The following STAM2 variants were observed in gnomAD, a reference collection of about 807,000 sequenced individuals.
The protein encoded by STAM2 is signal transducing adapter molecule 2.
A neutral mutation model predicts 65.6 loss-of-function variants in STAM2; 51 were observed. That is an observed-to-expected ratio of 0.78 (90% CI 0.62 to 0.98). The LOEUF is 0.98. Ranked by LOEUF, STAM2 falls within the 50% of genes least tolerant of loss-of-function variation. STAM2 has a pLI of 0.00. For synonymous variants in STAM2, 198 were observed against 208.4 expected, an observed-to-expected ratio of 0.95 and a Z score of 0.43; for missense variants, 584 against 617.8, an observed-to-expected ratio of 0.95 and a Z score of 0.58.
At chr2:152,141,810 C>T (rs891869931) in intron 7 of STAM2, among the ~76,000 whole-genome samples, 8 of 151,682 alleles carry the variant, frequency 5.3e-5, no homozygotes, top group Non-Finnish European at 7.4e-5. Flanking sequence ...AGGGTGGTCT[C>T]GAACTCCTGA....
intron 1 of STAM2, among the ~76,000 whole-genome samples, chr2:152,166,900 C>T (rs1248002575): frequency 2.6e-5 from 4 of 152,178 alleles, no homozygotes; most frequent in Admixed American, 6.5e-5. Context: ...CACTACAATT[C>T]TCATATTGCA....
chr2:152,120,200 ACT>A lies in STAM2; in HGVS notation c.*372_*373del. The A allele has an allele frequency of 1.8e-5, 3 of 167,300 alleles. No individual in the cohort carries two copies. Among genetic ancestry groups the A allele is most frequent in the East Asian group, 3.5e-4 (2 of 5,654 alleles). 10.4% of individuals were successfully genotyped at this position (167,300 alleles called of 1,614,324 possible). A position where few individuals can be genotyped will look rare whatever the true frequency, so the allele number is the denominator to read the frequency against. Reference sequence around the variant, plus strand: ...AGTATGAGATACTTTTGACAAACTCACTCTGTCGATCATGCTACTGCACTCCA... The same window carrying A: ...AGTATGAGATACTTTTGACAAACTCACTGTCGATCATGCTACTGCACTCCA... On this transcript the variant is annotated 3_prime_UTR_variant, in exon 14 of 14. Coordinates refer to ENST00000263904, the MANE Select transcript of STAM2 (RefSeq NM_005843.6).
rs936541750 is a variant in STAM2, at chr2:152,118,789, T to C, written c.*1785A>G. 19 of 152,100 alleles carry C rather than the reference T, an allele frequency of 1.2e-4. No homozygotes were observed. The highest frequency in any genetic ancestry group is 6.8e-3 in the Middle Eastern group (2 of 294). The allele number at this position is 152,100 out of a possible 1,614,324, so 9.4% of individuals were successfully genotyped here. On this transcript the variant is annotated 3_prime_UTR_variant, in exon 14 of 14. Coordinates refer to ENST00000263904, the MANE Select transcript of STAM2 (RefSeq NM_005843.6). Reference sequence around the variant, plus strand: ...TAAGGTGCCATTCAGAAGTATATAATTGAATTAACATAAAGGAAAATACTG... The same window carrying C: ...TAAGGTGCCATTCAGAAGTATATAACTGAATTAACATAAAGGAAAATACTG...
At chr2:152,160,479 GC>G in intron 1 of STAM2, among the ~76,000 whole-genome samples, 1 of 151,698 alleles carries the variant, frequency 6.6e-6, no homozygotes, top group African/African-American at 2.4e-5. Context: ...GAAGTGAGGA[GC>G]CCCTCCGCCC....
At chr2:152,144,034 G>A (rs1390550899) in intron 6 of STAM2, 21 bp from the exon 7 acceptor site, 2 of 1,582,518 alleles carry the variant, frequency 1.3e-6, no homozygotes, top group African/African-American at 2.7e-5. Flanking sequence ...AAATTAAAAT[G>A]CAAAGAAACT....
chr2:152,169,607 C>T (rs1689862522), intron 1 of STAM2, among the ~76,000 whole-genome samples: 1 of 151,902 alleles, frequency 6.6e-6, no homozygotes, highest in South Asian at 2.1e-4. Flanking sequence ...AAGTAATGAG[C>T]AGGCAATTTA....
At chr2:152,145,708 G>C (rs1689326621) in intron 5 of STAM2, among the ~76,000 whole-genome samples, 1 of 152,186 alleles carries the variant, frequency 6.6e-6, no homozygotes, top group Admixed American at 6.5e-5. Context: ...TGCAGTTCTA[G>C]GAATATGTGT....
chr2:152,175,543 C>A (rs1234629693), intron 1 of STAM2, 60 bp downstream of exon 1: 3 of 1,607,758 alleles, frequency 1.9e-6, no homozygotes, highest in South Asian at 2.2e-5. Flanking sequence ...ACTTTCTAGC[C>A]GGACAAACAG....
At chr2:152,154,656 C>T (rs1443334093) in intron 1 of STAM2, among the ~76,000 whole-genome samples, 2 of 152,054 alleles carry the variant, frequency 1.3e-5, no homozygotes. Flanking sequence ...CTCAGGGTGA[C>T]ACTAATGGAA....
intron 7 of STAM2, among the ~76,000 whole-genome samples, chr2:152,137,743 T>C (rs959863280): frequency 2.6e-5 from 4 of 152,156 alleles, no homozygotes; most frequent in East Asian, 1.9e-4. Flanking sequence ...ATTTTTTTTT[T>C]CCCTCTCCCA....
chr2:152,148,174 T>C, intron 3 of STAM2, 51 bp downstream of exon 3: 3 of 1,592,516 alleles, frequency 1.9e-6, no homozygotes, highest in Non-Finnish European at 2.6e-6. Context: ...CTTACTGTAA[T>C]TAAAAACACA....
rs1688957889 is a variant in STAM2, at chr2:152,125,994, CTTTTCA to C, written c.1179+226_1179+231del. 5 of 354,666 alleles carry C rather than the reference CTTTTCA, an allele frequency of 1.4e-5. 1 individual carries two copies. The Admixed American group carries it at 2.2e-4, about 16-fold the overall frequency. 22.0% of individuals were successfully genotyped at this position (354,666 alleles called of 1,614,324 possible). On this transcript the variant is annotated intron_variant, in intron 12 of 13. Transcript: ENST00000263904. ...GAACTACCCTCACATATTTAATGGT[CTTTTCA>C]TCCATGTTAAAACTGAACTAAAATG...
chr2:152,130,210 T>G (rs1270925882), intron 11 of STAM2, among the ~76,000 whole-genome samples: 1 of 152,164 alleles, frequency 6.6e-6, no homozygotes, highest in East Asian at 1.9e-4. Context: ...CTCAAAACCC[T>G]GAAAGTCTAC....
chr2:152,126,648 G>T (rs1032438011), intron 11 of STAM2, among the ~76,000 whole-genome samples: 6 of 152,052 alleles, frequency 3.9e-5, no homozygotes, highest in African/African-American at 1.4e-4. Flanking sequence ...TAAATTGAAA[G>T]GAAAACCAAC....
intron 7 of STAM2, among the ~76,000 whole-genome samples, chr2:152,142,226 TAC>T (rs1689261782): frequency 6.6e-6 from 1 of 152,212 alleles, no homozygotes; most frequent in Admixed American, 6.5e-5. Flanking sequence ...TCTTAGCAGT[TAC>T]AAATAAAAAA....
chr2:152,158,615 G>A (rs1200536819), intron 1 of STAM2, among the ~76,000 whole-genome samples: 3 of 152,180 alleles, frequency 2.0e-5, no homozygotes, highest in Non-Finnish European at 4.4e-5. Flanking sequence ...CTTTGGACAT[G>A]ACTAAAGCAA....
intron 7 of STAM2, among the ~76,000 whole-genome samples, chr2:152,142,387 T>C (rs1689264727): frequency 6.6e-6 from 1 of 152,202 alleles, no homozygotes; most frequent in African/African-American, 2.4e-5. Context: ...TATCTTTAAC[T>C]TCATAGTTGT....
chr2:152,162,235 T>C (rs1689692850), intron 1 of STAM2, among the ~76,000 whole-genome samples: 1 of 152,174 alleles, frequency 6.6e-6, no homozygotes, highest in African/African-American at 2.4e-5. Flanking sequence ...CCTGAGCATT[T>C]TACATAAGCT....
chr2:152,146,035 C>T (rs1689332032), intron 5 of STAM2, among the ~76,000 whole-genome samples: 2 of 151,884 alleles, frequency 1.3e-5, no homozygotes, highest in Non-Finnish European at 2.9e-5. Flanking sequence ...TTTGAGAGGT[C>T]GAGGCAGGTG....
Sources: gnomAD v4.1 joint callset for allele counts (sites outside exome capture counted in the v4.1 genomes callset) on GRCh38, gnomAD v4.1.1 for gene constraint, MANE v1.5 for transcripts, NCBI Gene and HGNC (gene_info 2026-07-23, HGNC 2026-07-21) for gene names.